EIF2AK1: variants seen among roughly 807,000 people sequenced by gnomAD.
The protein encoded by EIF2AK1 is eukaryotic translation initiation factor 2-alpha kinase 1.
A neutral mutation model predicts 77.9 loss-of-function variants in EIF2AK1; 54 were observed. The ratio of observed to expected loss-of-function variants is 0.69; its 90% CI spans 0.56 to 0.87. The LOEUF (loss-of-function observed/expected upper bound fraction) is 0.87. EIF2AK1 is among the 40% of genes least tolerant of loss of function. The probability of loss-of-function intolerance (pLI) is 0.00; values close to 1 mark genes in which losing one functional copy is unlikely to be tolerated. For missense variants in EIF2AK1, 810 were observed against 768.6 expected (o/e 1.05, Z -0.64); for synonymous variants, 314 against 290.5 (o/e 1.08, Z -0.82).
chr7:6,029,028 C>T lies in EIF2AK1; in HGVS notation c.1337G>A (p.Arg446Lys), dbSNP rs774736402. 3 of 1,608,940 alleles carry T rather than the reference C, an allele frequency of 1.9e-6. No individual in the cohort carries two copies. The Admixed American group carries it at 5.1e-5, about 28-fold the overall frequency. Residue 446 changes from arginine to lysine, a missense_variant, in exon 12 of 15, where the codon AGA becomes AAA. Coordinates refer to ENST00000199389, the MANE Select transcript of EIF2AK1 (RefSeq NM_014413.4). The part of the protein sequence containing the change: ...MGIVHRDLKP[R>K]NIFLHGPDQQ... ...ATCAGGGCCATGAAGAAAAATATTT[C>T]TTGGCTATCAACAAACAAAACAAGT... is the stretch of plus-strand genomic sequence containing the variant.
In EIF2AK1 at chr7:6,036,030, G is replaced by C; in HGVS notation, c.1332+1394C>G. On this transcript the variant is annotated intron_variant, in intron 11 of 14. Transcript: ENST00000199389. The surrounding 1 kb of genome is among the most constrained non-coding windows in gnomAD (Gnocchi z 4.6). ...AATCATCAATCTCCTGCTTGAATTTGAAGCAAATGTTAACATTTTAACAAG... is the reference window on the plus strand; with the variant it reads ...AATCATCAATCTCCTGCTTGAATTTCAAGCAAATGTTAACATTTTAACAAG... 2.6e-6 allele frequency: 4 copies of C among 1,551,074 alleles called. No homozygotes were observed. The highest frequency in any genetic ancestry group is 3.5e-6 in the Non-Finnish European group (4 of 1,147,136).
At chr7:6,051,273 C>CTTT (rs34563208) in intron 2 of EIF2AK1, among the ~76,000 whole-genome samples, 2 of 137,468 alleles carry the variant, frequency 1.5e-5, no homozygotes, top group Non-Finnish European at 3.2e-5. Context: ...TTTTTTCTTT[C>CTTT]TTTTTTTTTT....
Position 6,033,681 on chromosome 7 carries a change from T to C in EIF2AK1, c.1332+3743A>G, listed in dbSNP as rs976704719. The stretch of plus-strand genomic sequence containing the variant: ...TTCTCCTGGGTTCACGCCATTCTCC[T>C]GCCTCAGCCTCCCAAGTAGCTGGGA... On this transcript the variant is annotated intron_variant, in intron 11 of 14. Transcript: ENST00000199389. The surrounding 1 kb of genome is among the most constrained non-coding windows in gnomAD (Gnocchi z 4.4). Among the ~76,000 whole-genome samples, 3 of 152,070 alleles carry C rather than the reference T, an allele frequency of 2.0e-5. No individual in the cohort carries two copies. The highest frequency in any genetic ancestry group is 2.9e-5 in the Non-Finnish European group (2 of 68,016).
intron 7 of EIF2AK1, 48 bp downstream of exon 7, chr7:6,044,513 GC>G: frequency 6.6e-7 from 1 of 1,505,438 alleles, no homozygotes; most frequent in Non-Finnish European, 9.2e-7. Flanking sequence ...TGGTGCACGG[GC>G]TAAAGTTTGC....
rs1329196770 is a variant in EIF2AK1, at chr7:6,024,729, G to A, written c.1837C>T (p.Leu613Phe). ...EIAELKKQLN[L>F]LSQDKGVRDD... The stretch of plus-strand genomic sequence containing the variant: ...CTCACCCCTTTGTCTTGAGAAAGGA[G>A]GTTTAGCTGCTTCTTTAGTTCTGCA... Residue 613 changes from leucine to phenylalanine, a missense_variant, in exon 15 of 15, where the codon CTC becomes TTC. By Grantham distance (22) the Leu-to-Phe change is conservative. Coordinates refer to ENST00000199389, the MANE Select transcript of EIF2AK1 (RefSeq NM_014413.4). The A allele has an allele frequency of 1.2e-6, 2 of 1,605,446 alleles. No individual in the cohort carries two copies. Among genetic ancestry groups the A allele is most frequent in the Admixed American group, 3.5e-5 (2 of 57,446 alleles).
chr7:6,040,934 T>C lies in EIF2AK1; in HGVS notation c.1077A>G (p.Glu359=), dbSNP rs1356316814. ...AGTTGACATTTTCTTCGGAAGATTCTTCGGTGGATGTGAAACTCTCCTCTA... is the reference window on the plus strand; with the variant it reads ...AGTTGACATTTTCTTCGGAAGATTCCTCGGTGGATGTGAAACTCTCCTCTA... The part of the protein sequence containing the change: ...SHLEESFTST[E]ESSEENVNFL... The change falls in exon 9 of 15, where the codon GAA becomes GAG. Residue 359 remains glutamate, a synonymous_variant. Transcript: ENST00000199389. 6.2e-7 allele frequency: 1 copy of C among 1,614,172 alleles called. No homozygotes were observed. Among genetic ancestry groups the C allele is most frequent in the East Asian group, 2.2e-5 (1 of 44,892 alleles).
rs763905431 is a variant in EIF2AK1 at position 6,029,083 on chromosome 7, T to G, written c.1333-51A>C. ...TCCTTGGCTTTCTTAAAACAAATAGTAATATCTTGTAAATGTTTTTAAGTG... is the reference window on the plus strand; with the variant it reads ...TCCTTGGCTTTCTTAAAACAAATAGGAATATCTTGTAAATGTTTTTAAGTG... On this transcript the variant is annotated intron_variant, in intron 11 of 14. Coordinates refer to ENST00000199389, the MANE Select transcript of EIF2AK1 (RefSeq NM_014413.4). 2.2e-6 allele frequency: 3 copies of G among 1,380,812 alleles called. No homozygotes were observed. The South Asian group carries it at 3.7e-5, about 17-fold the overall frequency. 85.5% of individuals were successfully genotyped at this position (1,380,812 alleles called of 1,614,324 possible).
chr7:6,048,702 C>G, intron 4 of EIF2AK1, 105 bp downstream of exon 4: 1 of 960,392 alleles, frequency 1.0e-6, no homozygotes, highest in East Asian at 2.7e-5. Flanking sequence ...TTTTAATGTT[C>G]ATAAATAATA....
chr7:6,022,978 A>G lies in EIF2AK1; in HGVS notation c.*1695T>C. On this transcript the variant is annotated 3_prime_UTR_variant, in exon 15 of 15. Transcript: ENST00000199389. Reference sequence around the variant, plus strand: ...ATGAGGCCAAGAGCCTGGGAGATGCAGCTCCTGGGTTTCCAGCCCTCAGCC... The same window carrying G: ...ATGAGGCCAAGAGCCTGGGAGATGCGGCTCCTGGGTTTCCAGCCCTCAGCC... 3.7e-6 allele frequency: 1 copy of G among 271,056 alleles called. No individual in the cohort carries two copies. Among genetic ancestry groups the G allele is most frequent in the Middle Eastern group, 1.2e-3 (1 of 866 alleles). 16.8% of individuals were successfully genotyped at this position (271,056 alleles called of 1,614,324 possible).
In EIF2AK1 at chr7:6,035,598, G is replaced by A. The variant is rs1788055054; in HGVS notation, c.1332+1826C>T. 1.3e-6 allele frequency: 2 copies of A among 1,550,908 alleles called. No homozygotes were observed. The highest frequency in any genetic ancestry group is 1.7e-6 in the Non-Finnish European group (2 of 1,147,110). On this transcript the variant is annotated intron_variant, in intron 11 of 14. Coordinates refer to ENST00000199389, the MANE Select transcript of EIF2AK1 (RefSeq NM_014413.4). The surrounding 1 kb of genome is among the most constrained non-coding windows in gnomAD (Gnocchi z 5.5). ...TCTCCGCATCTTGTGTGCGCACGGA[G>A]CTCAAGTGAACACTCAAGGGGAAAT...
At position 6,033,254 on chromosome 7, in the gene EIF2AK1, G is replaced by A. The variant is rs183345778; in HGVS notation, c.1332+4170C>T. ...AAAGTGCTGGGATTAACAGCCCTCA[G>A]CCACAGCACCCAGCTTCACTGACAA... On this transcript the variant is annotated intron_variant, in intron 11 of 14. Coordinates refer to ENST00000199389, the MANE Select transcript of EIF2AK1 (RefSeq NM_014413.4). This position sits in a 1 kb window ranked among gnomAD's most constrained non-coding sequence, Gnocchi z 4.4. Among the ~76,000 whole-genome samples the A allele has an allele frequency of 1.8e-4, 27 of 152,162 alleles. No individual in the cohort carries two copies. The highest frequency in any genetic ancestry group is 3.4e-3 in the Middle Eastern group (1 of 292).
intron 2 of EIF2AK1, among the ~76,000 whole-genome samples, chr7:6,051,984 AAC>A (rs1447009368): frequency 6.6e-6 from 1 of 151,916 alleles, no homozygotes; most frequent in Non-Finnish European, 1.5e-5. Flanking sequence ...CATCCTGGCT[AAC>A]ACAGTGAAAC....
Position 6,035,853 on chromosome 7 carries a change from G to T in EIF2AK1, c.1332+1571C>A, listed in dbSNP as rs1182382378. The T allele has an allele frequency of 3.2e-6, 5 of 1,548,056 alleles. No individual in the cohort carries two copies. The highest frequency in any genetic ancestry group is 4.4e-6 in the Non-Finnish European group (5 of 1,145,224). On this transcript the variant is annotated intron_variant, in intron 11 of 14. Coordinates refer to ENST00000199389, the MANE Select transcript of EIF2AK1 (RefSeq NM_014413.4). This position sits in a 1 kb window ranked among gnomAD's most constrained non-coding sequence, Gnocchi z 5.5. ...CACGGGGAACACGCCCCTGAAGCTT[G>T]CAGTGTGCACTGCATCAAGCAAAGC...
chr7:6,056,611 A>AAAAAAAAAAAAAATAT (rs1788773483), intron 1 of EIF2AK1, among the ~76,000 whole-genome samples: 1 of 31,160 alleles, frequency 3.2e-5, no homozygotes, highest in Non-Finnish European at 7.7e-5. Context: ...AAAAAAAAAA[A>AAAAAAAAAAAAAATAT]AAATATATAT....
intron 11 of EIF2AK1, among the ~76,000 whole-genome samples, chr7:6,034,029 T>A (rs1029080517): frequency 2.0e-5 from 3 of 149,434 alleles, no homozygotes; most frequent in African/African-American, 7.4e-5. Flanking sequence ...AAGAATTAAG[T>A]AGTATAGGCC....
intron 9 of EIF2AK1, among the ~76,000 whole-genome samples, chr7:6,040,653 C>T (rs1788269388): frequency 6.6e-6 from 1 of 152,118 alleles, no homozygotes; most frequent in Non-Finnish European, 1.5e-5. Flanking sequence ...GGTACACACT[C>T]AAGATGATCT....
intron 2 of EIF2AK1, among the ~76,000 whole-genome samples, chr7:6,051,498 C>G (rs1415712218): frequency 6.6e-6 from 1 of 152,042 alleles, no homozygotes; most frequent in Non-Finnish European, 1.5e-5. Flanking sequence ...GGAGCGATCT[C>G]AGATCACTGC....
At chr7:6,029,989 A>C (rs1787859334) in intron 11 of EIF2AK1, among the ~76,000 whole-genome samples, 1 of 152,194 alleles carries the variant, frequency 6.6e-6, no homozygotes, top group Non-Finnish European at 1.5e-5. Context: ...CAAAAAAAAG[A>C]AAAGAAAAGA....
At chr7:6,025,792 G>A (rs748712606) in intron 14 of EIF2AK1, among the ~76,000 whole-genome samples, 6 of 151,854 alleles carry the variant, frequency 4.0e-5, no homozygotes, top group African/African-American at 9.7e-5. Flanking sequence ...GCACCACCAC[G>A]CCCGGCTAAT....
Sources: allele counts gnomAD v4.1 joint callset (sites outside exome capture counted in the v4.1 genomes callset), GRCh38; gene constraint gnomAD v4.1.1; non-coding constraint Gnocchi (gnomAD v3.1); transcripts MANE v1.5; gene names NCBI Gene and HGNC (gene_info 2026-07-23, HGNC 2026-07-21).